BLNK: variants seen among roughly 807,000 people sequenced by gnomAD.
BLNK encodes B cell linker.
In BLNK, 29 loss-of-function variants were observed where a neutral mutation model predicts 73.5. The observed-to-expected ratio is 0.39, with a 90% CI of 0.29 to 0.54. The LOEUF (loss-of-function observed/expected upper bound fraction) is 0.54. Among genes scored for constraint, BLNK ranks in the 20% least tolerant of loss-of-function variants. The pLI is 0.61. For missense variants in BLNK, 460 were observed against 562.8 expected (o/e 0.82, Z 1.85); for synonymous variants, 176 against 200.8 (o/e 0.88, Z 1.04).
At chr10:96,250,415 GGA>G (rs71486790) in intron 1 of BLNK, among the ~76,000 whole-genome samples, 186 of 143,196 alleles carry the variant, frequency 1.3e-3, no homozygotes, top group Non-Finnish European at 1.9e-3. Flanking sequence ...AGAGAGAGGG[GGA>G]GAGAGAGAGA....
At chr10:96,248,095 T>C (rs1843124981) in intron 1 of BLNK, among the ~76,000 whole-genome samples, 2 of 152,160 alleles carry the variant, frequency 1.3e-5, no homozygotes, top group African/African-American at 4.8e-5. Flanking sequence ...ATCAAGACCC[T>C]CCACTGGTAA....
chr10:96,270,205 G>A (rs1844210072), intron 1 of BLNK, among the ~76,000 whole-genome samples: 1 of 152,168 alleles, frequency 6.6e-6, no homozygotes, highest in Admixed American at 6.5e-5. Context: ...GATCATTGAT[G>A]CATTTCACAT....
At chr10:96,240,361 C>A (rs1311475501) in intron 3 of BLNK, among the ~76,000 whole-genome samples, 2 of 152,254 alleles carry the variant, frequency 1.3e-5, no homozygotes, top group South Asian at 4.2e-4. Flanking sequence ...ACTCAGATGG[C>A]CTAACTTCTT....
rs782705816 is a variant in BLNK, at chr10:96,247,060, CAAAATTAAACAT to C, written c.48-23_48-12del. 6.4e-7 allele frequency: 1 copy of C among 1,570,974 alleles called. No homozygotes were observed. Among genetic ancestry groups the C allele is most frequent in the East Asian group, 2.2e-5 (1 of 44,488 alleles). On this transcript the variant is annotated splice_polypyrimidine_tract_variant and intron_variant, in intron 1 of 16. Transcript: ENST00000224337. ...ATCTTTTGAAGCTGCCTGTAAAAAA[CAAAATTAAACAT>C]AAGATATTAATAACCAGTCTGACTT...
Position 96,191,052 on chromosome 10 carries a change from G to A in BLNK, c.*921C>T, listed in dbSNP as rs1243012641. Reference sequence around the variant, plus strand: ...GGAGGTAACTGAATCACGCGGGCAGGTTTTCCCATGTTGTTGTGATAGTGA... The same window carrying A: ...GGAGGTAACTGAATCACGCGGGCAGATTTTCCCATGTTGTTGTGATAGTGA... On this transcript the variant is annotated 3_prime_UTR_variant, in exon 17 of 17. Transcript: ENST00000224337. 6.6e-6 allele frequency among the ~76,000 whole-genome samples: 1 copy of A among 152,032 alleles called. No homozygotes were observed. Among genetic ancestry groups the A allele is most frequent in the East Asian group, 1.9e-4 (1 of 5,192 alleles).
chr10:96,265,985 C>T (rs1933706560), intron 1 of BLNK, among the ~76,000 whole-genome samples: 1 of 152,196 alleles, frequency 6.6e-6, no homozygotes, highest in Admixed American at 6.5e-5. Context: ...TGAAATGATC[C>T]AGCTATGTCT....
intron 6 of BLNK, among the ~76,000 whole-genome samples, chr10:96,217,885 A>G (rs782637023): frequency 1.3e-5 from 2 of 152,198 alleles, no homozygotes; most frequent in Non-Finnish European, 2.9e-5. Context: ...CCAAAGCCAT[A>G]AAGACTCATA....
intron 2 of BLNK, 120 bp downstream of exon 2, chr10:96,246,864 G>A (rs1486313254): frequency 4.3e-6 from 3 of 700,718 alleles, no homozygotes; most frequent in Admixed American, 2.7e-5. Context: ...TAGTAAAGAA[G>A]GGTTACGTGC....
intron 1 of BLNK, among the ~76,000 whole-genome samples, chr10:96,261,235 A>G (rs1297384169): frequency 6.6e-6 from 1 of 152,202 alleles, no homozygotes; most frequent in Non-Finnish European, 1.5e-5. Flanking sequence ...TTAATTATCA[A>G]TTTTTAAATT....
chr10:96,206,290 C>A (rs2083805380), intron 11 of BLNK, among the ~76,000 whole-genome samples: 1 of 152,084 alleles, frequency 6.6e-6, no homozygotes, highest in African/African-American at 2.4e-5. Flanking sequence ...AGGGCATGAA[C>A]TTCTATATAA....
chr10:96,227,621 C>T (rs1230642664), intron 4 of BLNK, 55 bp from the exon 5 acceptor site: 28 of 1,611,250 alleles, frequency 1.7e-5, no homozygotes, highest in Middle Eastern at 1.6e-4. Context: ...GCTGCCTGGC[C>T]GTCAGGACCA....
chr10:96,227,380 C>T (rs587615350), intron 5 of BLNK, 30 bp downstream of exon 5: 2 of 1,609,014 alleles, frequency 1.2e-6, no homozygotes, highest in Non-Finnish European at 1.7e-6. Flanking sequence ...GCCTGGAAGG[C>T]CGAGTGCCCA....
chr10:96,218,317 A>G (rs1339310165), intron 6 of BLNK, among the ~76,000 whole-genome samples: 1 of 152,222 alleles, frequency 6.6e-6, no homozygotes, highest in African/African-American at 2.4e-5. Flanking sequence ...TAAGAGAGAT[A>G]TCACCATTGG....
intron 1 of BLNK, among the ~76,000 whole-genome samples, chr10:96,254,499 G>GTTTT (rs113008211): frequency 6.8e-6 from 1 of 146,358 alleles, no homozygotes; most frequent in African/African-American, 2.6e-5. Flanking sequence ...TCTTCAATGA[G>GTTTT]TTTTTTTTTT....
chr10:96,252,329 G>A (rs1336695628), intron 1 of BLNK, among the ~76,000 whole-genome samples: 2 of 152,198 alleles, frequency 1.3e-5, no homozygotes, highest in African/African-American at 4.8e-5. Context: ...GGGATTACAG[G>A]CATGAGCCAC....
intron 16 of BLNK, 47 bp downstream of exon 16, chr10:96,196,861 T>C: frequency 6.4e-7 from 1 of 1,570,760 alleles, no homozygotes; most frequent in Non-Finnish European, 8.7e-7. Context: ...GATGTCATTA[T>C]ACTCAATGCA....
intron 9 of BLNK, 89 bp downstream of exon 9, chr10:96,209,749 A>G: frequency 6.7e-7 from 1 of 1,489,184 alleles, no homozygotes; most frequent in Non-Finnish European, 9.4e-7. Flanking sequence ...TGCCATGGGG[A>G]GAACTTCTAA....
intron 7 of BLNK, chr10:96,216,448 A>G (rs2084067339): frequency 3.3e-6 from 2 of 601,306 alleles, no homozygotes; most frequent in Non-Finnish European, 6.0e-6. Flanking sequence ...GAGGAAGGGG[A>G]AGGCAGGGAA....
intron 1 of BLNK, among the ~76,000 whole-genome samples, chr10:96,267,368 G>A (rs1395295830): frequency 2.0e-5 from 3 of 152,176 alleles, no homozygotes; most frequent in African/African-American, 7.2e-5. Flanking sequence ...GGTGTCAGCT[G>A]AGGTGAAGAG....
Sources: allele counts gnomAD v4.1 joint callset (sites outside exome capture counted in the v4.1 genomes callset), GRCh38; gene constraint gnomAD v4.1.1; transcripts MANE v1.5; gene names NCBI Gene and HGNC (gene_info 2026-07-23, HGNC 2026-07-21).